ATAD2B: variants seen among roughly 807,000 people sequenced by gnomAD.
ATAD2B encodes ATPase family AAA domain-containing protein 2B.
Under a neutral mutation model 167.6 loss-of-function variants are expected in ATAD2B, and 40 were observed. The observed-to-expected ratio is 0.24, with a 90% CI of 0.19 to 0.31. ATAD2B has a LOEUF of 0.31. ATAD2B is among the 10% of genes least tolerant of loss of function. The pLI is 1.00. For missense variants in ATAD2B, 1,242 were observed against 1,757.2 expected (o/e 0.71, Z 5.24); for synonymous variants, 579 against 596.5 (o/e 0.97, Z 0.43).
In ATAD2B at chr2:23,863,539, C is replaced by T; in HGVS notation, c.1321G>A (p.Gly441Ser). 1 of 1,570,902 alleles carries T rather than the reference C, an allele frequency of 6.4e-7. No individual in the cohort carries two copies. The highest frequency in any genetic ancestry group is 1.9e-5 in the Admixed American group (1 of 53,640). ...IQPPRGCLFY[G>S]PPGTGKTLVA... ...AAGGTTTTACCTGTGCCAGGAGGGC[C>T]ATAAAACAAACAGCCCCTAGAAGAA... The change falls in exon 12 of 28, where the codon GGC becomes AGC. Residue 441 changes from glycine to serine, a missense_variant. Physicochemically the swap from Gly to Ser is moderately conservative, Grantham distance 56. Transcript: ENST00000238789.
At chr2:23,739,348 G>A in the ATAD2B span, among the ~76,000 whole-genome samples, 2 of 151,854 alleles carry the variant, frequency 1.3e-5, no homozygotes, top group African/African-American at 4.8e-5. Flanking sequence ...ATAACAAACT[G>A]TCTCTCAGAC....
chr2:23,818,891 A>G (rs959832895), intron 17 of ATAD2B, among the ~76,000 whole-genome samples: 11 of 152,232 alleles, frequency 7.2e-5, no homozygotes, highest in Admixed American at 6.5e-4. Context: ...TTTAACACAG[A>G]TAATAAAAGG....
chr2:23,884,201 T>A (rs1210753535), intron 6 of ATAD2B, among the ~76,000 whole-genome samples: 8 of 152,162 alleles, frequency 5.3e-5, no homozygotes, highest in Non-Finnish European at 1.5e-5. Context: ...TGTTCATCAA[T>A]TTATAATTCA....
intron 2 of ATAD2B, among the ~76,000 whole-genome samples, chr2:23,892,339 A>AT (rs1367265063): frequency 6.6e-6 from 1 of 151,604 alleles, no homozygotes; most frequent in Non-Finnish European, 1.5e-5. Context: ...AATTTTTTGT[A>AT]TTTTTTAGTA....
intron 2 of ATAD2B, among the ~76,000 whole-genome samples, chr2:23,893,101 A>C (rs1321597326): frequency 6.6e-6 from 1 of 152,212 alleles, no homozygotes; most frequent in Non-Finnish European, 1.5e-5. Context: ...TCACCCCAAA[A>C]GAAAACTCAT....
chr2:23,786,774 G>T (rs1287405141), intron 20 of ATAD2B, among the ~76,000 whole-genome samples: 3 of 151,958 alleles, frequency 2.0e-5, no homozygotes, highest in Non-Finnish European at 2.9e-5. Flanking sequence ...AAAATAATTT[G>T]ATTTTGAAAT....
chr2:23,800,658 T>A (rs1400069530), intron 18 of ATAD2B, among the ~76,000 whole-genome samples: 1 of 152,134 alleles, frequency 6.6e-6, no homozygotes, highest in Non-Finnish European at 1.5e-5. Flanking sequence ...ATTGACCCCA[T>A]TAAAAAATTT....
At chr2:23,712,901 C>A in the ATAD2B span, among the ~76,000 whole-genome samples, 1 of 152,208 alleles carries the variant, frequency 6.6e-6, no homozygotes, top group African/African-American at 2.4e-5. Flanking sequence ...TGAGGACAGC[C>A]TTTGAGTGGC....
chr2:23,867,825 C>A lies in ATAD2B; in HGVS notation c.1188+10G>T. 1 of 1,571,408 alleles carries A rather than the reference C, an allele frequency of 6.4e-7. No individual in the cohort carries two copies. Among genetic ancestry groups the A allele is most frequent in the Non-Finnish European group, 8.7e-7 (1 of 1,153,480 alleles). Reference sequence around the variant, plus strand: ...AAGAAAACTTCTAGAAAAACATTTACAAAACTTACTGATTTATCAATGTTC... The same window carrying A: ...AAGAAAACTTCTAGAAAAACATTTAAAAAACTTACTGATTTATCAATGTTC... On this transcript the variant is annotated intron_variant, in intron 10 of 27. Transcript: ENST00000238789.
chr2:23,770,209 G>A (rs754005612), intron 22 of ATAD2B, among the ~76,000 whole-genome samples: 64 of 151,590 alleles, frequency 4.2e-4, no homozygotes, highest in Admixed American at 4.6e-4. Context: ...TCAGCTACTC[G>A]GGAGGCTGAG....
In ATAD2B at chr2:23,857,508, TAAG is replaced by T; in HGVS notation, c.1480-8_1480-6del. 1 of 1,279,140 alleles carries T rather than the reference TAAG, an allele frequency of 7.8e-7. No individual in the cohort carries two copies. Among genetic ancestry groups the T allele is most frequent in the Non-Finnish European group, 1.0e-6 (1 of 953,014 alleles). 79.2% of individuals were successfully genotyped at this position (1,279,140 alleles called of 1,614,324 possible). A position where few individuals can be genotyped will look rare whatever the true frequency, so the allele number is the denominator to read the frequency against. On this transcript the variant is annotated splice_polypyrimidine_tract_variant and splice_region_variant and intron_variant, in intron 12 of 27. Coordinates refer to ENST00000238789, the MANE Select transcript of ATAD2B (RefSeq NM_017552.4). ...AGAAGGTCTCATCAAATATGCCTAG[TAAG>T]AAGAAAACAAATAATATTTATTGTA...
At chr2:23,880,071 A>AAG (rs1182050510) in intron 7 of ATAD2B, among the ~76,000 whole-genome samples, 8 of 151,684 alleles carry the variant, frequency 5.3e-5, no homozygotes, top group African/African-American at 1.7e-4. Flanking sequence ...AAAAAAAAAA[A>AAG]AGAGAGAGAG....
chr2:23,923,173 A>C (rs1404325103), intron 1 of ATAD2B, among the ~76,000 whole-genome samples: 1 of 152,234 alleles, frequency 6.6e-6, no homozygotes, highest in Non-Finnish European at 1.5e-5. Context: ...AATACTATTA[A>C]GCCTAAGAAG....
chr2:23,899,434 ATTAGG>A (rs1239732290), intron 1 of ATAD2B, among the ~76,000 whole-genome samples: 1 of 152,118 alleles, frequency 6.6e-6, no homozygotes, highest in Non-Finnish European at 1.5e-5. Context: ...ACCATCACTT[ATTAGG>A]TTAAGTTCCC....
intron 1 of ATAD2B, among the ~76,000 whole-genome samples, chr2:23,910,351 T>C (rs1469896627): frequency 6.6e-6 from 1 of 151,216 alleles, no homozygotes; most frequent in African/African-American, 2.4e-5. Context: ...GCTAATTTTG[T>C]ATTTTTAGTA....
At chr2:23,885,526 G>A (rs941472686) in intron 5 of ATAD2B, among the ~76,000 whole-genome samples, 3 of 152,190 alleles carry the variant, frequency 2.0e-5, no homozygotes, top group Admixed American at 2.0e-4. Flanking sequence ...CAAAAGTGAA[G>A]AGGGTCTTCT....
intron 1 of ATAD2B, among the ~76,000 whole-genome samples, chr2:23,923,337 G>A (rs2150713651): frequency 6.6e-6 from 1 of 152,208 alleles, no homozygotes; most frequent in Non-Finnish European, 1.5e-5. Flanking sequence ...AGAGTAGAAG[G>A]GTGATTGCCA....
the ATAD2B span, chr2:23,696,352 G>GACTC: frequency 6.4e-7 from 1 of 1,551,588 alleles, no homozygotes; most frequent in Non-Finnish European, 8.7e-7. The surrounding 1 kb of genome is among the most constrained non-coding windows in gnomAD (Gnocchi z 5.5). Context: ...AATCAGGGGT[G>GACTC]ACGCTGGCTG....
At chr2:23,804,481 G>T (rs1684017602) in intron 18 of ATAD2B, among the ~76,000 whole-genome samples, 1 of 152,048 alleles carries the variant, frequency 6.6e-6, no homozygotes, top group South Asian at 2.1e-4. Flanking sequence ...ATGCCTTAAT[G>T]TACTAGAGAA....
Sources: gnomAD v4.1 joint callset for allele counts (sites outside exome capture counted in the v4.1 genomes callset) on GRCh38, gnomAD v4.1.1 for gene constraint, Gnocchi (gnomAD v3.1) non-coding constraint, MANE v1.5 for transcripts, NCBI Gene and HGNC (gene_info 2026-07-23, HGNC 2026-07-21) for gene names.